NANS: variants seen among roughly 807,000 people sequenced by gnomAD.
NANS encodes the protein N-acetylneuraminate synthase, also known as N-acetylneuraminate-9-phosphate synthase.
In NANS, 29 loss-of-function variants were observed where a neutral mutation model predicts 33.3. The observed-to-expected ratio is 0.87, with a 90% confidence interval of 0.65 to 1.19. NANS has a LOEUF of 1.19. Among genes scored for constraint, NANS ranks in the 50% most tolerant of loss-of-function variants. The probability of loss-of-function intolerance (pLI) is 0.00; values close to 1 mark genes in which losing one functional copy is unlikely to be tolerated. For missense variants in NANS, 394 were observed against 461.1 expected, an observed-to-expected ratio of 0.85 and a Z score of 1.33; for synonymous variants, 163 against 177.2, an observed-to-expected ratio of 0.92 and a Z score of 0.64.
chr9:98,060,526 C>T (rs572378656), intron 1 of NANS, among the ~76,000 whole-genome samples: 21 of 152,106 alleles, frequency 1.4e-4, no homozygotes, highest in African/African-American at 4.8e-4. Flanking sequence ...AAAAATTAGC[C>T]GGGTGTCGTG....
chr9:98,077,045 C>A, intron 3 of NANS, 28 bp downstream of exon 3: 1 of 1,534,950 alleles, frequency 6.5e-7, no homozygotes, highest in Non-Finnish European at 8.9e-7. Context: ...GACTTAAAAT[C>A]GAAGGGAGTC....
chr9:98,060,703 A>G, intron 1 of NANS, 79 bp from the exon 2 acceptor site: 3 of 1,263,434 alleles, frequency 2.4e-6, no homozygotes, highest in Non-Finnish European at 3.5e-6. Flanking sequence ...TGGTGATGTC[A>G]TAGTGGTTGC....
At position 98,066,507 on chromosome 9, in the gene NANS, G is replaced by A. The variant is rs1651187785; in HGVS notation, c.348+5510G>A. ...TTCACCCAATCGAGGGTACAATTCA[G>A]TGGTGTTTAGTAATATTTACAGAGT... On this transcript the variant is annotated intron_variant, in intron 2 of 5. Transcript: ENST00000210444. Among the ~76,000 whole-genome samples the A allele has an allele frequency of 5.3e-5, 8 of 152,276 alleles. No individual in the cohort carries two copies. In the South Asian group the frequency reaches 1.7e-3, roughly 32 times the overall value.
At chr9:98,078,073 G>T in intron 3 of NANS, 120 bp from the exon 4 acceptor site, 1 of 1,444,346 alleles carries the variant, frequency 6.9e-7, no homozygotes, top group Non-Finnish European at 9.5e-7. Flanking sequence ...GGCTGGCACA[G>T]TGTTTTAAGA....
intron 2 of NANS, chr9:98,075,460 GAGGGAGGGAGGA>G (rs1356631616): frequency 6.7e-6 from 1 of 149,926 alleles, no homozygotes; most frequent in Non-Finnish European, 1.5e-5. Flanking sequence ...GGAGGAAAGG[GAGGGAGGGAGGA>G]AGGAAGGGAG....
intron 1 of NANS, among the ~76,000 whole-genome samples, chr9:98,058,591 C>T (rs1408933756): frequency 2.6e-5 from 4 of 152,082 alleles, no homozygotes; most frequent in Admixed American, 6.6e-5. Flanking sequence ...CTTGGAATGC[C>T]GAAGTTGTAG....
At chr9:98,062,629 G>T (rs1016371807) in intron 2 of NANS, among the ~76,000 whole-genome samples, 1 of 152,004 alleles carries the variant, frequency 6.6e-6, no homozygotes, top group Non-Finnish European at 1.5e-5. Flanking sequence ...ATCGAGTTCT[G>T]TGCCTGCTTG....
intron 2 of NANS, among the ~76,000 whole-genome samples, chr9:98,066,416 G>A (rs968429629): frequency 3.3e-5 from 5 of 152,104 alleles, no homozygotes; most frequent in African/African-American, 7.2e-5. Flanking sequence ...CTCTGGCAGC[G>A]GCTCACCTAA....
chr9:98,059,730 GTT>G (rs796331198), intron 1 of NANS, among the ~76,000 whole-genome samples: 1 of 139,522 alleles, frequency 7.2e-6, no homozygotes, highest in Non-Finnish European at 1.6e-5. Flanking sequence ...AGTGTTTTTT[GTT>G]TTTTTTTTTT....
intron 1 of NANS, 148 bp downstream of exon 1, chr9:98,057,088 A>G (rs1186111880): frequency 1.7e-6 from 2 of 1,195,346 alleles, no homozygotes; most frequent in Non-Finnish European, 2.2e-6. Flanking sequence ...AATCCTTCGG[A>G]TCCCTCTTCC....
intron 1 of NANS, 35 bp from the exon 2 acceptor site, chr9:98,060,747 A>G (rs1363248702): frequency 3.1e-6 from 5 of 1,603,102 alleles, no homozygotes; most frequent in Non-Finnish European, 4.3e-6. Flanking sequence ...AGAATCTACG[A>G]CAGTCACTGA....
chr9:98,061,631 T>C (rs779979612), intron 2 of NANS, among the ~76,000 whole-genome samples: 4 of 148,556 alleles, frequency 2.7e-5, no homozygotes, highest in Non-Finnish European at 5.9e-5. Flanking sequence ...ATACAAAAAA[T>C]TAGCTGGGCG....
At chr9:98,077,169 G>T in intron 3 of NANS, 152 bp downstream of exon 3, 1 of 625,320 alleles carries the variant, frequency 1.6e-6, no homozygotes, top group Non-Finnish European at 2.7e-6. Flanking sequence ...CGCTGTGTTG[G>T]CCAGGTTGGT....
intron 2 of NANS, among the ~76,000 whole-genome samples, chr9:98,072,434 C>T (rs1016878651): frequency 2.7e-5 from 4 of 148,644 alleles, no homozygotes; most frequent in South Asian, 2.1e-4. Context: ...TTTTTTGAGA[C>T]GGAGTCTCGC....
At chr9:98,063,658 C>T (rs1406982797) in intron 2 of NANS, among the ~76,000 whole-genome samples, 1 of 151,976 alleles carries the variant, frequency 6.6e-6, no homozygotes, top group Non-Finnish European at 1.5e-5. Flanking sequence ...CCTCCTGTCT[C>T]AGCCTGCTGA....
At chr9:98,078,029 G>A in intron 3 of NANS, 164 bp from the exon 4 acceptor site, 1 of 1,008,764 alleles carries the variant, frequency 9.9e-7, no homozygotes, top group Non-Finnish European at 1.4e-6. Context: ...CCGAGGGCAG[G>A]AACCCAACAA....
intron 2 of NANS, chr9:98,061,248 G>T (rs1434539181): frequency 2.2e-6 from 1 of 458,700 alleles, no homozygotes; most frequent in East Asian, 3.9e-5. Context: ...AGACTGAGGG[G>T]GATGGATCAC....
At chr9:98,071,131 A>G (rs916557760) in intron 2 of NANS, among the ~76,000 whole-genome samples, 2 of 152,236 alleles carry the variant, frequency 1.3e-5, no homozygotes, top group African/African-American at 4.8e-5. Context: ...ATTTTTAAGA[A>G]TTTGAAGATG....
At chr9:98,079,784 C>A (rs1829770682) in intron 4 of NANS, among the ~76,000 whole-genome samples, 1 of 152,216 alleles carries the variant, frequency 6.6e-6, no homozygotes. Flanking sequence ...AGTTATTCTG[C>A]CAGCCTATCC....
Sources: allele counts gnomAD v4.1 joint callset (sites outside exome capture counted in the v4.1 genomes callset), GRCh38; gene constraint gnomAD v4.1.1; transcripts MANE v1.5; gene names NCBI Gene and HGNC (gene_info 2026-07-23, HGNC 2026-07-21).